Variants in GNB4 observed in about 807,000 individuals in gnomAD.
GNB4 encodes the protein guanine nucleotide-binding protein subunit beta-4.
A neutral mutation model predicts 45.2 loss-of-function variants in GNB4; 28 were observed. The ratio of observed to expected loss-of-function variants is 0.62; its 90% CI spans 0.46 to 0.85. The LOEUF (loss-of-function observed/expected upper bound fraction) is 0.85. Ranked by LOEUF, GNB4 falls within the 40% of genes least tolerant of loss-of-function variation. The probability of loss-of-function intolerance (pLI) is 0.00; values close to 1 mark genes in which losing one functional copy is unlikely to be tolerated. For synonymous variants in GNB4, 132 were observed against 143.7 expected (o/e 0.92, Z 0.58); for missense variants, 321 against 425.4 (o/e 0.75, Z 2.16).
At chr3:179,526,456 A>G in the GNB4 span, among the ~76,000 whole-genome samples, 1 of 152,232 alleles carries the variant, frequency 6.6e-6, no homozygotes, top group African/African-American at 2.4e-5. Context: ...AAGATAAAAC[A>G]TACTGCACTT....
intron 9 of GNB4, among the ~76,000 whole-genome samples, chr3:179,401,936 GGAA>G (rs1714314834): frequency 6.6e-6 from 1 of 151,986 alleles, no homozygotes; most frequent in South Asian, 2.1e-4. Flanking sequence ...CCAGTATTTT[GGAA>G]GAAAACAAGA....
At chr3:179,425,745 A>C (rs1225936095) in intron 2 of GNB4, among the ~76,000 whole-genome samples, 1 of 152,240 alleles carries the variant, frequency 6.6e-6, no homozygotes. Context: ...TGCTGGGATT[A>C]CAGGCATGAG....
intron 8 of GNB4, among the ~76,000 whole-genome samples, chr3:179,413,187 A>G (rs1272428388): frequency 1.3e-5 from 2 of 151,874 alleles, no homozygotes; most frequent in Admixed American, 1.3e-4. Context: ...AAAAAACAAA[A>G]AAATAACAAC....
intron 1 of GNB4, among the ~76,000 whole-genome samples, chr3:179,427,088 G>A (rs974081695): frequency 6.6e-6 from 1 of 151,876 alleles, no homozygotes; most frequent in African/African-American, 2.4e-5. Flanking sequence ...CCCAGTCTCA[G>A]TGTCTTTGCA....
chr3:179,468,166 C>T, the GNB4 span, among the ~76,000 whole-genome samples: 1 of 150,784 alleles, frequency 6.6e-6, no homozygotes, highest in Non-Finnish European at 1.5e-5. Context: ...CCACTGCACT[C>T]CAGCCTGGGC....
chr3:179,464,211 C>T, the GNB4 span: 2 of 387,554 alleles, frequency 5.2e-6, no homozygotes, highest in Admixed American at 7.2e-5. Context: ...ATAATCCCAA[C>T]GTTTTAGGAG....
At chr3:179,425,602 C>G (rs1299905620) in intron 2 of GNB4, among the ~76,000 whole-genome samples, 2 of 152,276 alleles carry the variant, frequency 1.3e-5, no homozygotes, top group Admixed American at 6.5e-5. Context: ...TCCCAAGTAG[C>G]TGGGATTACA....
intron 2 of GNB4, among the ~76,000 whole-genome samples, chr3:179,424,474 T>TA (rs1429396639): frequency 6.6e-6 from 1 of 152,242 alleles, no homozygotes; most frequent in Non-Finnish European, 1.5e-5. Flanking sequence ...TCTAAATAGT[T>TA]ACCTTCCTTG....
At chr3:179,436,729 AAG>A (rs1350897083) in intron 1 of GNB4, among the ~76,000 whole-genome samples, 1 of 152,222 alleles carries the variant, frequency 6.6e-6, no homozygotes, top group African/African-American at 2.4e-5. Context: ...GCAAGTGGAT[AAG>A]AGAGGAAAAC....
the GNB4 span, among the ~76,000 whole-genome samples, chr3:179,489,298 A>G: frequency 6.6e-6 from 1 of 151,882 alleles, no homozygotes; most frequent in Admixed American, 6.6e-5. Context: ...GTTTCTCATT[A>G]CGCTTATCTC....
chr3:179,417,924 A>C (rs1177198094), intron 4 of GNB4, among the ~76,000 whole-genome samples: 1 of 152,138 alleles, frequency 6.6e-6, no homozygotes, highest in African/African-American at 2.4e-5. Flanking sequence ...TTTAGAAATC[A>C]ATTGGCATCA....
the GNB4 span, among the ~76,000 whole-genome samples, chr3:179,456,562 T>A: frequency 6.6e-6 from 1 of 152,232 alleles, no homozygotes; most frequent in Non-Finnish European, 1.5e-5. Flanking sequence ...TTGCTTTGAT[T>A]TTAAAACTTA....
the GNB4 span, among the ~76,000 whole-genome samples, chr3:179,462,649 G>T: frequency 6.6e-6 from 1 of 152,142 alleles, no homozygotes; most frequent in Non-Finnish European, 1.5e-5. Flanking sequence ...GACCAGCCTG[G>T]CCAATATGGT....
intron 2 of GNB4, among the ~76,000 whole-genome samples, chr3:179,421,413 A>G (rs954281681): frequency 1.3e-5 from 2 of 152,214 alleles, no homozygotes; most frequent in Non-Finnish European, 1.5e-5. Context: ...TTTAATAAAA[A>G]AAGTTTTACA....
At chr3:179,481,933 C>T in the GNB4 span, among the ~76,000 whole-genome samples, 3 of 151,922 alleles carry the variant, frequency 2.0e-5, no homozygotes, top group Admixed American at 1.3e-4. Flanking sequence ...GACAGGGTCT[C>T]GCTCTATCAC....
chr3:179,488,640 G>A, the GNB4 span, among the ~76,000 whole-genome samples: 1 of 152,006 alleles, frequency 6.6e-6, no homozygotes, highest in African/African-American at 2.4e-5. Context: ...TAAAGTATAG[G>A]TTTCAGTTAT....
chr3:179,403,156 G>A (rs1714354428), intron 9 of GNB4, among the ~76,000 whole-genome samples: 1 of 152,180 alleles, frequency 6.6e-6, no homozygotes, highest in South Asian at 2.1e-4. Flanking sequence ...TGAACGGCCA[G>A]CCTAGAGTAA....
At chr3:179,486,274 C>T in the GNB4 span, among the ~76,000 whole-genome samples, 1 of 151,452 alleles carries the variant, frequency 6.6e-6, no homozygotes, top group Non-Finnish European at 1.5e-5. Context: ...GCCTTTCCTC[C>T]AGTAATTGTA....
intron 2 of GNB4, among the ~76,000 whole-genome samples, chr3:179,424,326 C>G (rs1715083703): frequency 1.3e-5 from 2 of 152,220 alleles, no homozygotes; most frequent in Admixed American, 6.5e-5. Flanking sequence ...GAAATTCCTT[C>G]TAGTGGGTGC....
Sources: allele counts gnomAD v4.1 joint callset (sites outside exome capture counted in the v4.1 genomes callset), GRCh38; gene constraint gnomAD v4.1.1; transcripts MANE v1.5; gene names NCBI Gene and HGNC (gene_info 2026-07-23, HGNC 2026-07-21).